The following CLCN3 variants were observed in gnomAD, a reference collection of about 807,000 sequenced individuals.
The protein encoded by CLCN3 is Cl-/H+ antiporter 3, also known as H(+)/Cl(-) exchange transporter 3.
In CLCN3, 16 loss-of-function variants were observed where a neutral mutation model predicts 83.4. That is an observed-to-expected ratio of 0.19 (90% confidence interval 0.13 to 0.29). The LOEUF (loss-of-function observed/expected upper bound fraction) is 0.29. Ranked by LOEUF, CLCN3 falls within the 10% of genes least tolerant of loss-of-function variation. CLCN3 has a pLI of 1.00. For synonymous variants in CLCN3, 322 were observed against 346.2 expected, an observed-to-expected ratio of 0.93 and a Z score of 0.78; for missense variants, 544 against 1,006.0, an observed-to-expected ratio of 0.54 and a Z score of 6.21.
chr4:169,693,982 G>T (rs984355956), intron 7 of CLCN3, among the ~76,000 whole-genome samples: 11 of 152,042 alleles, frequency 7.2e-5, no homozygotes, highest in African/African-American at 2.4e-4. Flanking sequence ...ATGCTTCTTA[G>T]ATACGTATGA....
intron 9 of CLCN3, among the ~76,000 whole-genome samples, chr4:169,700,120 AAG>A (rs1168102797): frequency 6.6e-6 from 1 of 152,202 alleles, no homozygotes; most frequent in African/African-American, 2.4e-5. Context: ...CATACCTGGC[AAG>A]AGAGTGTAAA....
At position 169,690,550 on chromosome 4, in the gene CLCN3, G is replaced by C; in HGVS notation, c.627G>C (p.Met209Ile). ...TTTAGGGTCCTGGTTCTTATATCAT[G>C]AACTACATAATGTACATCTTCTGGG... ...GQAEGPGSYI[M>I]NYIMYIFWAL... The change falls in exon 6 of 13, where the codon ATG becomes ATC. Residue 209 changes from methionine to isoleucine, a missense_variant. Coordinates refer to ENST00000513761, the MANE Select transcript of CLCN3 (RefSeq NM_001829.4). 1 of 1,613,050 alleles carries C rather than the reference G, an allele frequency of 6.2e-7. No homozygotes were observed. Among genetic ancestry groups the C allele is most frequent in the Non-Finnish European group, 8.5e-7 (1 of 1,179,620 alleles).
chr4:169,667,006 T>G (rs1271895042), intron 2 of CLCN3, among the ~76,000 whole-genome samples: 1 of 152,232 alleles, frequency 6.6e-6, no homozygotes, highest in African/African-American at 2.4e-5. Context: ...AAAGATTATT[T>G]TAATTCTGAT....
rs1008996583 is a variant in CLCN3 at position 169,718,015 on chromosome 4, G to A, written c.2367-1892G>A. The A allele has an allele frequency of 1.1e-5, 6 of 537,204 alleles. No individual in the cohort carries two copies. The Admixed American group carries it at 1.9e-4, about 17-fold the overall frequency. The allele number at this position is 537,204 out of a possible 1,614,324, so 33.3% of individuals were successfully genotyped here. On this transcript the variant is annotated intron_variant, in intron 12 of 12. Coordinates refer to ENST00000513761, the MANE Select transcript of CLCN3 (RefSeq NM_001829.4). ...CAATTACATTTGTATCTGATAAAAT[G>A]TGTCTGTAAGATAAATTTAGATATG...
At chr4:169,626,743 C>T (rs749150509) in intron 1 of CLCN3, among the ~76,000 whole-genome samples, 43 of 152,092 alleles carry the variant, frequency 2.8e-4, no homozygotes, top group Non-Finnish European at 5.0e-4. Flanking sequence ...TTTGGAAGGC[C>T]GATGTGGGCG....
intron 2 of CLCN3, among the ~76,000 whole-genome samples, chr4:169,679,644 CT>C (rs1343958832): frequency 2.0e-5 from 3 of 152,290 alleles, no homozygotes; most frequent in Admixed American, 1.3e-4. Flanking sequence ...ATCCCGGCAC[CT>C]TGGGAGGCCG....
intron 2 of CLCN3, among the ~76,000 whole-genome samples, chr4:169,671,655 T>C (rs1731462348): frequency 6.6e-6 from 1 of 152,150 alleles, no homozygotes; most frequent in Non-Finnish European, 1.5e-5. Flanking sequence ...GAAGCCTACA[T>C]TTGAAACTGG....
intron 11 of CLCN3, among the ~76,000 whole-genome samples, chr4:169,709,216 T>C (rs183113663): frequency 9.8e-4 from 148 of 150,708 alleles, no homozygotes; most frequent in African/African-American, 3.4e-3. Context: ...ATAAATACTT[T>C]ATTGAAGGAT....
In CLCN3 at chr4:169,668,504, C is replaced by T. The variant is rs370786901; in HGVS notation, c.161-11546C>T. Among the ~76,000 whole-genome samples the T allele has an allele frequency of 2.6e-5, 4 of 152,194 alleles. No individual in the cohort carries two copies. In the East Asian group the frequency reaches 5.8e-4, roughly 22 times the overall value. On this transcript the variant is annotated intron_variant, in intron 2 of 12. Transcript: ENST00000513761. ...CTCAAAGAGGTTAATAAGTAACTTG[C>T]GCTGGATCACAGAACTAACGGGAGG...
chr4:169,671,642 T>G (rs1296451332), intron 2 of CLCN3, among the ~76,000 whole-genome samples: 3 of 152,208 alleles, frequency 2.0e-5, no homozygotes, highest in Non-Finnish European at 2.9e-5. Flanking sequence ...TCTGTGGGTT[T>G]CAGAAGCCTA....
chr4:169,696,175 C>T (rs752775779), intron 8 of CLCN3, among the ~76,000 whole-genome samples: 61 of 151,980 alleles, frequency 4.0e-4, no homozygotes, highest in African/African-American at 3.9e-4. Context: ...CTGCAACCTC[C>T]GCCTCCAGGG....
intron 2 of CLCN3, among the ~76,000 whole-genome samples, chr4:169,666,331 G>C (rs999567623): frequency 2.0e-5 from 3 of 152,106 alleles, no homozygotes; most frequent in Non-Finnish European, 4.4e-5. Flanking sequence ...CTAAGAAAAA[G>C]TTTGAAAACC....
At chr4:169,689,995 G>T (rs1177815802) in intron 5 of CLCN3, among the ~76,000 whole-genome samples, 1 of 152,134 alleles carries the variant, frequency 6.6e-6, no homozygotes, top group East Asian at 1.9e-4. Context: ...TTAGGAAAAA[G>T]ATTAAATGTG....
chr4:169,660,464 T>A (rs1731016218), intron 2 of CLCN3: 2 of 1,304,690 alleles, frequency 1.5e-6, no homozygotes, highest in Non-Finnish European at 1.9e-6. Flanking sequence ...ACTATCCCCT[T>A]GCTGTGAATT....
At chr4:169,687,973 T>C (rs1230519724) in intron 4 of CLCN3, among the ~76,000 whole-genome samples, 1 of 152,242 alleles carries the variant, frequency 6.6e-6, no homozygotes, top group Admixed American at 6.5e-5. Flanking sequence ...TTGGTTGATC[T>C]TTCTGGACTC....
intron 2 of CLCN3, among the ~76,000 whole-genome samples, chr4:169,651,089 G>T (rs2150212372): frequency 6.6e-6 from 1 of 152,146 alleles, no homozygotes; most frequent in Middle Eastern, 3.4e-3. Context: ...TCATTGGAAA[G>T]AAATCAGCTT....
At chr4:169,698,090 C>T (rs1424636193) in intron 9 of CLCN3, among the ~76,000 whole-genome samples, 14 of 151,910 alleles carry the variant, frequency 9.2e-5, no homozygotes, top group African/African-American at 3.4e-4. Flanking sequence ...TTTTTCGTTT[C>T]CTTTTTAAAA....
intron 1 of CLCN3, among the ~76,000 whole-genome samples, chr4:169,621,430 G>A (rs965697570): frequency 1.3e-5 from 2 of 152,058 alleles, no homozygotes; most frequent in African/African-American, 2.4e-5. Context: ...TATTTTTTGT[G>A]TATATATATT....
intron 9 of CLCN3, among the ~76,000 whole-genome samples, chr4:169,700,260 C>CGTTTGTTT (rs1424222684): frequency 9.0e-6 from 1 of 110,584 alleles, no homozygotes; most frequent in Non-Finnish European, 2.0e-5. Context: ...GTAGTTTGTT[C>CGTTTGTTT]GTTTGTTTGT....
Sources: allele counts gnomAD v4.1 joint callset (sites outside exome capture counted in the v4.1 genomes callset), GRCh38; gene constraint gnomAD v4.1.1; transcripts MANE v1.5; gene names NCBI Gene and HGNC (gene_info 2026-07-23, HGNC 2026-07-21).